Variants in CEBPZ observed in about 807,000 individuals in gnomAD.
The protein encoded by CEBPZ is CCAAT/enhancer-binding protein zeta.
Under a neutral mutation model 104.5 loss-of-function variants are expected in CEBPZ, and 78 were observed. That is an observed-to-expected ratio of 0.75 (90% CI 0.62 to 0.90). The LOEUF (loss-of-function observed/expected upper bound fraction) is 0.90, where lower values mean the gene tolerates loss of function less well. Among genes scored for constraint, CEBPZ ranks in the 40% least tolerant of loss-of-function variants. CEBPZ has a pLI of 0.00. For synonymous variants in CEBPZ, 470 were observed against 427.0 expected (o/e 1.10, Z -1.24); for missense variants, 1,439 against 1,233.5 (o/e 1.17, Z -2.50).
rs749152250 is a variant in CEBPZ, at chr2:37,201,805, T to G, written c.3124A>C (p.Arg1042=). The G allele has an allele frequency of 2.5e-6, 4 of 1,573,138 alleles. No homozygotes were observed. In the South Asian group the frequency reaches 4.4e-5, roughly 17 times the overall value. The change falls in exon 16 of 16, where the codon AGG becomes CGG. Residue 1042 remains arginine, a synonymous_variant. Coordinates refer to ENST00000234170, the MANE Select transcript of CEBPZ (RefSeq NM_005760.3). ...TTAGTTTTTTGAGTGGTTTTAATCC[T>G]CTTCTTTTTAAAATGTTTCTTTTTC... ...IKKKKHFKKK[R]IKTTQKTKKQ...
At chr2:37,230,127 TAGATAAATTA>T (rs1398270954) in intron 1 of CEBPZ, among the ~76,000 whole-genome samples, 1 of 152,220 alleles carries the variant, frequency 6.6e-6, no homozygotes, top group Non-Finnish European at 1.5e-5. Context: ...AATGGCTGGT[TAGATAAATTA>T]AGACAGACAA....
intron 10 of CEBPZ, chr2:37,212,603 G>A (rs1665173970): frequency 3.7e-6 from 2 of 537,648 alleles, no homozygotes; most frequent in Admixed American, 3.6e-5. Context: ...ACTAAAGAAG[G>A]ATCCAGTTAA....
At chr2:37,223,468 T>G (rs1664815320) in intron 2 of CEBPZ, 67 bp from the exon 3 acceptor site, 9 of 1,329,360 alleles carry the variant, frequency 6.8e-6, no homozygotes, top group Non-Finnish European at 8.5e-6. Context: ...GGTCACATAT[T>G]AGAAATAGCT....
At chr2:37,207,245 C>G (rs1677570108) in intron 13 of CEBPZ, among the ~76,000 whole-genome samples, 1 of 152,156 alleles carries the variant, frequency 6.6e-6, no homozygotes, top group Admixed American at 6.5e-5. Flanking sequence ...GACGGGTCAT[C>G]AAGACAGAAA....
chr2:37,204,583 A>AT (rs1422965615), intron 13 of CEBPZ: 1 of 152,144 alleles, frequency 6.6e-6, no homozygotes, highest in Admixed American at 6.6e-5. Flanking sequence ...GCCATTTTTG[A>AT]TTTTTTGTAG....
At chr2:37,207,892 A>G (rs548374415) in intron 13 of CEBPZ, among the ~76,000 whole-genome samples, 4 of 152,174 alleles carry the variant, frequency 2.6e-5, no homozygotes, top group African/African-American at 4.8e-5. Context: ...GAAAATCGGT[A>G]GACCATTAGC....
At position 37,228,535 on chromosome 2, in the gene CEBPZ, A is replaced by G. The variant is rs1209499792; in HGVS notation, c.658T>C (p.Phe220Leu). 1.3e-5 allele frequency: 21 copies of G among 1,614,102 alleles called. No individual in the cohort carries two copies. The highest frequency in any genetic ancestry group is 1.6e-4 in the Middle Eastern group (1 of 6,084). ...QKLYQHEINLFKSKTNSQKGA... is the reference protein window; with the variant it reads ...QKLYQHEINLLKSKTNSQKGA... Reference sequence around the variant, plus strand: ...TTTTGACTATTCGTCTTACTTTTGAATAAGTTGATTTCATGCTGATACAGC... The same window carrying G: ...TTTTGACTATTCGTCTTACTTTTGAGTAAGTTGATTTCATGCTGATACAGC... Residue 220 changes from phenylalanine to leucine, a missense_variant, in exon 2 of 16, where the codon TTC becomes CTC. By Grantham distance (22) the Phe-to-Leu change is conservative (BLOSUM62 0). Coordinates refer to ENST00000234170, the MANE Select transcript of CEBPZ (RefSeq NM_005760.3).
chr2:37,216,226 G>T lies in CEBPZ; in HGVS notation c.2312-18C>A, dbSNP rs755709358. The T allele has an allele frequency of 6.2e-7, 1 of 1,610,336 alleles. No homozygotes were observed. The highest frequency in any genetic ancestry group is 8.5e-7 in the Non-Finnish European group (1 of 1,177,682). ...TGTGTTTTCTGAAATGTAAAATTAT[G>T]ACAGTATAATGCAAAACCTAGTTAT... On this transcript the variant is annotated intron_variant, in intron 7 of 15. Coordinates refer to ENST00000234170, the MANE Select transcript of CEBPZ (RefSeq NM_005760.3).
chr2:37,231,588 G>A lies in CEBPZ; in HGVS notation c.-21C>T, dbSNP rs371592598. 13 of 1,614,222 alleles carry A rather than the reference G, an allele frequency of 8.1e-6. No homozygotes were observed. The highest frequency in any genetic ancestry group is 1.1e-5 in the South Asian group (1 of 91,090). ...GCCATGGCGGGCAAAGCATACGCGC[G>A]TGAAACTCAGCCTATTTCCGCTCTG... On this transcript the variant is annotated 5_prime_UTR_variant, in exon 1 of 16. It adds an upstream start codon to the 5' untranslated region. Coordinates refer to ENST00000234170, the MANE Select transcript of CEBPZ (RefSeq NM_005760.3).
rs1372957210 is a variant in CEBPZ, at chr2:37,227,974, C to G, written c.1219G>C (p.Glu407Gln). The G allele has an allele frequency of 6.2e-7, 1 of 1,614,180 alleles. No individual in the cohort carries two copies. Residue 407 changes from glutamate (E) to glutamine (Q), a missense_variant, in exon 2 of 16, where the codon GAG (glutamate) becomes CAG (glutamine). Transcript: ENST00000234170. ...RIATKASHLLETLLCKHPNMK... is the reference protein window; with the variant it reads ...RIATKASHLLQTLLCKHPNMK... ...TTGGGATGTTTACAAAGTAATGTCT[C>G]TAACAGATGGGATGCTTTTGTGGCA...
At position 37,202,033 on chromosome 2, in the gene CEBPZ, C is replaced by T. The variant is rs966861561; in HGVS notation, c.3026-130G>A. The T allele has an allele frequency of 5.5e-5, 34 of 616,436 alleles. No individual in the cohort carries two copies. The African/African-American group carries it at 5.6e-4, about 10-fold the overall frequency. 38.2% of individuals were successfully genotyped at this position (616,436 alleles called of 1,614,324 possible). Reference sequence around the variant, plus strand: ...TGTGGTTTCCCACCCACTATACAAACCCACTGCTTGTTTGTTGCTTTTCTT... The same window carrying T: ...TGTGGTTTCCCACCCACTATACAAATCCACTGCTTGTTTGTTGCTTTTCTT... On this transcript the variant is annotated intron_variant, in intron 15 of 15. Transcript: ENST00000234170.
chr2:37,228,341 C>T lies in CEBPZ; in HGVS notation c.852G>A (p.Met284Ile). 6.2e-7 allele frequency: 1 copy of T among 1,614,174 alleles called. No individual in the cohort carries two copies. The highest frequency in any genetic ancestry group is 8.5e-7 in the Non-Finnish European group (1 of 1,180,024). Reference protein sequence around the residue: ...KKKGSKQQCLMALDTFKELLI... With the variant: ...KKKGSKQQCLIALDTFKELLI... Reference sequence around the variant, plus strand: ...GCAACTCTTTGAAAGTATCCAAGGCCATAAGGCACTGCTGTTTGCTGCCCT... The same window carrying T: ...GCAACTCTTTGAAAGTATCCAAGGCTATAAGGCACTGCTGTTTGCTGCCCT... The change falls in exon 2 of 16, where the codon ATG becomes ATA. Residue 284 changes from methionine to isoleucine, a missense_variant. Met to Ile is a conservative substitution (Grantham distance 10). Coordinates refer to ENST00000234170, the MANE Select transcript of CEBPZ (RefSeq NM_005760.3).
chr2:37,201,927 A>T, intron 15 of CEBPZ, 24 bp from the exon 16 acceptor site: 1 of 1,608,898 alleles, frequency 6.2e-7, no homozygotes. Flanking sequence ...AGAAAAGATG[A>T]GTGTACTACC....
intron 8 of CEBPZ, chr2:37,215,614 G>A (rs1677848775): frequency 6.6e-6 from 1 of 152,578 alleles, no homozygotes. Context: ...TGAACAAAAG[G>A]GAGATGAGAT....
chr2:37,208,559 AG>A (rs2148343423), intron 13 of CEBPZ, among the ~76,000 whole-genome samples: 1 of 152,342 alleles, frequency 6.6e-6, no homozygotes, highest in South Asian at 2.1e-4. Context: ...TCATCTCAAT[AG>A]ACGCAGAAAA....
chr2:37,230,568 A>G (rs1665040209), intron 1 of CEBPZ, among the ~76,000 whole-genome samples: 1 of 152,214 alleles, frequency 6.6e-6, no homozygotes, highest in Admixed American at 6.5e-5. Flanking sequence ...CAGTCTCCAA[A>G]CAAAATAATA....
intron 5 of CEBPZ, 71 bp from the exon 6 acceptor site, chr2:37,217,108 G>T (rs1270823768): frequency 2.2e-6 from 3 of 1,349,978 alleles, no homozygotes; most frequent in Non-Finnish European, 3.2e-6. Flanking sequence ...GCTTATTTAA[G>T]AAAATCGGGC....
intron 9 of CEBPZ, 36 bp from the exon 10 acceptor site, chr2:37,213,997 T>G: frequency 1.7e-6 from 2 of 1,188,068 alleles, no homozygotes; most frequent in East Asian, 5.7e-5. Context: ...ACAATTTTAT[T>G]AAAGGTCTAA....
At chr2:37,222,278 T>C in intron 4 of CEBPZ, 102 bp downstream of exon 4, 1 of 1,057,670 alleles carries the variant, frequency 9.5e-7, no homozygotes, top group Non-Finnish European at 1.3e-6. Flanking sequence ...AGTGAGACTC[T>C]GTCTAAATAA....
Sources: allele counts gnomAD v4.1 joint callset (sites outside exome capture counted in the v4.1 genomes callset), GRCh38; gene constraint gnomAD v4.1.1; transcripts MANE v1.5; gene names NCBI Gene and HGNC (gene_info 2026-07-23, HGNC 2026-07-21).